Variants in CST3 observed in about 807,000 individuals in gnomAD.
CST3 encodes the protein cystatin-C.
Under a neutral mutation model 9.0 loss-of-function variants are expected in CST3, and 14 were observed. The observed-to-expected ratio is 1.56, with a 90% CI of 1.03 to 2.44. The LOEUF is 2.44. Ranked by LOEUF, CST3 falls within the 30% of genes most tolerant of loss-of-function variation. CST3 has a pLI of 0.00. For synonymous variants in CST3, 96 were observed against 90.2 expected, an observed-to-expected ratio of 1.06 and a Z score of -0.37; for missense variants, 237 against 204.3, an observed-to-expected ratio of 1.16 and a Z score of -0.98.
At position 23,635,318 on chromosome 20, in the gene CST3, G is replaced by T; in HGVS notation, c.293C>A (p.Thr98Lys). The change falls in exon 2 of 3, where the codon ACG becomes AAG. Residue 98 changes from threonine to lysine, a missense_variant. Thr to Lys is a moderately conservative substitution (Grantham distance 78). Transcript: ENST00000376925. ...YFLDVELGRTTCTKTQPNLDN... is the reference protein window; with the variant it reads ...YFLDVELGRTKCTKTQPNLDN... ...CAAGTTGGGCTGGGTCTTGGTACAC[G>T]TGGTTCGGCCCAGCTCCACGTCCAA... 2 of 1,613,882 alleles carry T rather than the reference G, an allele frequency of 1.2e-6. No individual in the cohort carries two copies. The highest frequency in any genetic ancestry group is 1.7e-6 in the Non-Finnish European group (2 of 1,179,764).
At chr20:23,627,275 T>C (rs992205780) in exon 4 of CST3, 2 of 152,200 alleles carry the variant, frequency 1.3e-5, no homozygotes, top group South Asian at 2.1e-4. Flanking sequence ...TTGAATCATA[T>C]TGTATGAATG....
At chr20:23,629,497 A>G (rs1317623766), downstream of CST3, 1 of 152,198 alleles carries the variant, frequency 6.6e-6, no homozygotes, top group Non-Finnish European at 1.5e-5. Flanking sequence ...AGATAAATAA[A>G]TAACTGTTGC....
intron 1 of CST3, among the ~76,000 whole-genome samples, chr20:23,637,344 C>T (rs1244385022): frequency 6.6e-6 from 1 of 152,232 alleles, no homozygotes; most frequent in Non-Finnish European, 1.5e-5. Flanking sequence ...CCTGTGCCTG[C>T]CCCCGCGCTG....
rs1568707144 is a variant in CST3, at chr20:23,637,910, T to A, written c.-48A>T. ...GGGGAGTGGGGCGCAGGCGAGAGGC[T>A]GGAGCTAGATAGAGAGGACCCGCTG... On this transcript the variant is annotated 5_prime_UTR_variant, in exon 1 of 3. Coordinates refer to ENST00000376925, the MANE Select transcript of CST3 (RefSeq NM_000099.4). 7.5e-7 allele frequency: 1 copy of A among 1,335,630 alleles called. No individual in the cohort carries two copies. Among genetic ancestry groups the A allele is most frequent in the South Asian group, 1.8e-5 (1 of 56,254 alleles). 82.7% of individuals were successfully genotyped at this position (1,335,630 alleles called of 1,614,324 possible).
chr20:23,635,480 C>G lies in CST3; in HGVS notation c.244-113G>C. 3.4e-6 allele frequency: 3 copies of G among 879,566 alleles called. No individual in the cohort carries two copies. In the South Asian group the frequency reaches 4.4e-5, roughly 13 times the overall value. 54.5% of individuals were successfully genotyped at this position (879,566 alleles called of 1,614,324 possible). A position where few individuals can be genotyped will look rare whatever the true frequency, so the allele number is the denominator to read the frequency against. On this transcript the variant is annotated intron_variant, in intron 1 of 2. Transcript: ENST00000376925. ...GGCTTGCCTGGGGCTTCAAGCCTAC[C>G]TTCATGAGCTGCCCACATTGTCACC...
At position 23,637,649 on chromosome 20, in the gene CST3, C is replaced by A. The variant is rs202145575; in HGVS notation, c.214G>T (p.Ala72Ser). The A allele has an allele frequency of 3.6e-4, 552 of 1,527,612 alleles. No individual in the cohort carries two copies. Among genetic ancestry groups the A allele is most frequent in the Non-Finnish European group, 2.7e-4 (308 of 1,138,336 alleles). The allele number at this position is 1,527,612 out of a possible 1,614,324, so 94.6% of individuals were successfully genotyped here. ...TTGCGGGCGCGCACCACCTGCAGCG[C>A]GCGGCTGTGGTACATGTCGTTGCTG... Reference protein sequence around the residue: ...KASNDMYHSRALQVVRARKQI... With the variant: ...KASNDMYHSRSLQVVRARKQI... Residue 72 changes from alanine to serine, a missense_variant, in exon 1 of 3, where the codon GCG becomes TCG. Physicochemically the swap from Ala to Ser is moderately conservative, Grantham distance 99. Transcript: ENST00000376925.
downstream of CST3, among the ~76,000 whole-genome samples, chr20:23,633,053 G>A (rs145838598): frequency 3.3e-3 from 505 of 152,274 alleles, 7 homozygotes; most frequent in African/African-American, 0.012. Context: ...CAGCCTCCCA[G>A]GATGGATGAC....
At position 23,633,916 on chromosome 20, in the gene CST3, CT is replaced by C; in HGVS notation, c.440del (p.Ter147TrpfsTer82). The C allele has an allele frequency of 6.2e-7, 1 of 1,613,878 alleles. No homozygotes were observed. The highest frequency in any genetic ancestry group is 1.3e-5 in the African/African-American group (1 of 75,026). On this transcript the variant is annotated frameshift_variant and stop_lost, in exon 3 of 3. Coordinates refer to ENST00000376925, the MANE Select transcript of CST3 (RefSeq NM_000099.4). LOFTEE classifies it high-confidence loss of function. ...GCACAGGCCAGCCCGGTACAGACCC[CT>C]AGGCGTCCTGACAGGTGGATTTCGA... The part of the protein sequence containing the change: ...TLSKSTCQDA[*>X]
rs1334130384 is a variant in CST3, at chr20:23,637,940, A to G, written c.-78T>C. ...CTAGATAGAGAGGACCCGCTGCGATACCGAGGCGAGGCCGTGAGCCCCGCG... is the reference window on the plus strand; with the variant it reads ...CTAGATAGAGAGGACCCGCTGCGATGCCGAGGCGAGGCCGTGAGCCCCGCG... On this transcript the variant is annotated 5_prime_UTR_variant, in exon 1 of 3. Coordinates refer to ENST00000376925, the MANE Select transcript of CST3 (RefSeq NM_000099.4). 11 of 1,166,202 alleles carry G rather than the reference A, an allele frequency of 9.4e-6. No individual in the cohort carries two copies. Among genetic ancestry groups the G allele is most frequent in the African/African-American group, 1.7e-5 (1 of 59,504 alleles). The allele number at this position is 1,166,202 out of a possible 1,614,324, so 72.2% of individuals were successfully genotyped here.
chr20:23,636,577 G>A (rs1979684887), intron 1 of CST3, among the ~76,000 whole-genome samples: 1 of 152,174 alleles, frequency 6.6e-6, no homozygotes. Context: ...AGGGAAGCAG[G>A]GCTCTGCAGG....
Position 23,637,645 on chromosome 20 carries a change from A to G in CST3, c.218T>C (p.Leu73Pro). The G allele has an allele frequency of 1.3e-6, 2 of 1,526,632 alleles. No homozygotes were observed. Among genetic ancestry groups the G allele is most frequent in the Middle Eastern group, 2.3e-4 (1 of 4,338 alleles). 94.6% of individuals were successfully genotyped at this position (1,526,632 alleles called of 1,614,324 possible). A position where few individuals can be genotyped will look rare whatever the true frequency, so the allele number is the denominator to read the frequency against. Reference sequence around the variant, plus strand: ...CTGCTTGCGGGCGCGCACCACCTGCAGCGCGCGGCTGTGGTACATGTCGTT... The same window carrying G: ...CTGCTTGCGGGCGCGCACCACCTGCGGCGCGCGGCTGTGGTACATGTCGTT... ...ASNDMYHSRA[L>P]QVVRARKQIV... The change falls in exon 1 of 3, where the codon CTG becomes CCG. Residue 73 changes from leucine (L) to proline (P), a missense_variant. Physicochemically the swap from Leu to Pro is moderately conservative, Grantham distance 98. Transcript: ENST00000376925.
intron 2 of CST3, among the ~76,000 whole-genome samples, chr20:23,634,328 T>C (rs955629280): frequency 6.6e-6 from 1 of 152,112 alleles, no homozygotes; most frequent in Non-Finnish European, 1.5e-5. Context: ...GGCAGCTCAC[T>C]GCCCCCAGCT....
Position 23,635,297 on chromosome 20 carries a change from T to C in CST3, c.314A>G (p.Asn105Ser), listed in dbSNP as rs1159727278. ...GRTTCTKTQP[N>S]LDNCPFHDQP... ...GTCATGGAAGGGGCAGTTGTCCAAG[T>C]TGGGCTGGGTCTTGGTACACGTGGT... Residue 105 changes from asparagine to serine, a missense_variant, in exon 2 of 3, where the codon AAC becomes AGC. By Grantham distance (46) the Asn-to-Ser change is conservative. Coordinates refer to ENST00000376925, the MANE Select transcript of CST3 (RefSeq NM_000099.4). 2.5e-6 allele frequency: 4 copies of C among 1,614,000 alleles called. No individual in the cohort carries two copies. The highest frequency in any genetic ancestry group is 1.6e-4 in the Middle Eastern group (1 of 6,084).
chr20:23,637,766 G>A lies in CST3; in HGVS notation c.97C>T (p.Pro33Ser), dbSNP rs1172811688. 2 of 1,529,364 alleles carry A rather than the reference G, an allele frequency of 1.3e-6. No individual in the cohort carries two copies. The highest frequency in any genetic ancestry group is 1.4e-5 in the African/African-American group (1 of 69,886). The allele number at this position is 1,529,364 out of a possible 1,614,324, so 94.7% of individuals were successfully genotyped here. ...TCCATGGGGCCTCCCACTAGGCGCG[G>A]CGGCTTGCCGGGACTGGAGCCGGCC... ...PAAGSSPGKP[P>S]RLVGGPMDAS... is the part of the protein sequence containing the mutation. Residue 33 changes from proline (P) to serine (S), a missense_variant, in exon 1 of 3, where the codon CCG (proline) becomes TCG (serine). Pro to Ser is a moderately conservative substitution (Grantham distance 74). Transcript: ENST00000376925.
At position 23,637,708 on chromosome 20, in the gene CST3, G is replaced by A. The variant is rs1238461596; in HGVS notation, c.155C>T (p.Ala52Val). 3 of 1,544,910 alleles carry A rather than the reference G, an allele frequency of 1.9e-6. No homozygotes were observed. ...ASVEEEGVRRALDFAVGEYNK... is the reference protein window; with the variant it reads ...ASVEEEGVRRVLDFAVGEYNK... ...GTACTCGCCGACGGCAAAGTCCAGT[G>A]CACGCCGCACACCCTCCTCCTCCAC... Residue 52 changes from alanine to valine, a missense_variant, in exon 1 of 3, where the codon GCA becomes GTA. Transcript: ENST00000376925.
chr20:23,636,536 A>G (rs1481586163), intron 1 of CST3, among the ~76,000 whole-genome samples: 1 of 151,426 alleles, frequency 6.6e-6, no homozygotes, highest in Non-Finnish European at 1.5e-5. Flanking sequence ...CGCTAGTCCT[A>G]GGGGACTGTG....
chr20:23,635,184 A>T (rs771708823), intron 2 of CST3, 70 bp downstream of exon 2: 7,455 of 279,218 alleles, frequency 0.027, 27 homozygotes, highest in Middle Eastern at 0.1. Flanking sequence ...CATGTGCATC[A>T]CACACACACA....
chr20:23,627,702 C>T (rs903917030), exon 4 of CST3: 5 of 152,192 alleles, frequency 3.3e-5, no homozygotes, highest in Non-Finnish European at 5.9e-5. Context: ...GTCTCTTTGA[C>T]CACAACCATG....
At chr20:23,632,742 G>GCT (rs1291657793), downstream of CST3, among the ~76,000 whole-genome samples, 1 of 152,228 alleles carries the variant, frequency 6.6e-6, no homozygotes, top group Non-Finnish European at 1.5e-5. Context: ...CAGCAGCACT[G>GCT]GCTGTAAGGG....
Sources: allele counts gnomAD v4.1 joint callset (sites outside exome capture counted in the v4.1 genomes callset), GRCh38; gene constraint gnomAD v4.1.1; transcripts MANE v1.5; gene names NCBI Gene and HGNC (gene_info 2026-07-23, HGNC 2026-07-21).